DPY19L1: variants seen among roughly 807,000 people sequenced by gnomAD.
DPY19L1 encodes the protein dpy-19 like C-mannosyltransferase 1.
Under a neutral mutation model 96.9 loss-of-function variants are expected in DPY19L1, and 35 were observed. The ratio of observed to expected loss-of-function variants is 0.36; its 90% confidence interval spans 0.28 to 0.48. The LOEUF is 0.48. Ranked by LOEUF, DPY19L1 falls within the 20% of genes least tolerant of loss-of-function variation. The pLI is 0.99. For missense variants in DPY19L1, 521 were observed against 777.9 expected, an observed-to-expected ratio of 0.67 and a Z score of 3.93; for synonymous variants, 205 against 252.6, an observed-to-expected ratio of 0.81 and a Z score of 1.79.
At chr7:34,975,146 T>C (rs983518397) in intron 7 of DPY19L1, among the ~76,000 whole-genome samples, 3 of 152,168 alleles carry the variant, frequency 2.0e-5, no homozygotes, top group Admixed American at 2.0e-4. Flanking sequence ...GAGTTGTTCA[T>C]CTCTCACTTT....
At position 35,022,328 on chromosome 7, in the gene DPY19L1, T is replaced by C. The variant is rs79830059; in HGVS notation, c.299-3732A>G. 1.4e-3 allele frequency among the ~76,000 whole-genome samples: 210 copies of C among 152,366 alleles called. 1 individual carries two copies. In the East Asian group the frequency reaches 0.027, roughly 20 times the overall value. On this transcript the variant is annotated intron_variant, in intron 1 of 21. Transcript: ENST00000638088. ...AAAAGGTGTTCAAGGAAAGGTTTGC[T>C]GTGTAACCTAATTCAAAAAATCACA...
At chr7:35,006,944 A>G (rs1785573828) in intron 6 of DPY19L1, among the ~76,000 whole-genome samples, 1 of 152,216 alleles carries the variant, frequency 6.6e-6, no homozygotes, top group South Asian at 2.1e-4. Context: ...TTTATTTCTC[A>G]GTACATAATA....
rs755619806 is a variant in DPY19L1, at chr7:35,023,833, C to CTT, written c.299-5239_299-5238dup. Reference sequence around the variant, plus strand: ...AAATATATTCTTTTTCTTTTCTTTTCTTTTTTTTTTTTTTTTTTTTGAGAC... The same window carrying CTT: ...AAATATATTCTTTTTCTTTTCTTTTCTTTTTTTTTTTTTTTTTTTTTTGAGAC... On this transcript the variant is annotated intron_variant, in intron 1 of 21. Coordinates refer to ENST00000638088, the MANE Select transcript of DPY19L1 (RefSeq NM_001366673.1). Among the ~76,000 whole-genome samples the CTT allele has an allele frequency of 2.6e-3, 286 of 111,804 alleles. 9 individuals are homozygous for CTT. The highest frequency in any genetic ancestry group is 8.2e-3 in the African/African-American group (242 of 29,604). The allele number at this position is 111,804 out of a possible 152,430, so 73.3% of individuals were successfully genotyped here.
In DPY19L1 at chr7:35,015,170, CAT is replaced by C. The variant is rs1160299824; in HGVS notation, c.412-1467_412-1466del. 3.3e-5 allele frequency among the ~76,000 whole-genome samples: 5 copies of C among 152,002 alleles called. No individual in the cohort carries two copies. The South Asian group carries it at 8.3e-4, about 25-fold the overall frequency. ...TCTTTTGTAGGTTTGATTTTGGAAA[CAT>C]ATGTTTAATTATAAAACAAAAATTT... On this transcript the variant is annotated intron_variant, in intron 3 of 21. Transcript: ENST00000638088.
intron 11 of DPY19L1, 105 bp downstream of exon 11, chr7:34,957,879 A>T: frequency 4.3e-6 from 3 of 689,720 alleles, no homozygotes; most frequent in Non-Finnish European, 2.5e-6. Flanking sequence ...TAAGACACTT[A>T]AGATGGTTCC....
intron 6 of DPY19L1, among the ~76,000 whole-genome samples, chr7:35,002,333 CATG>C (rs566779646): frequency 1.0e-3 from 156 of 151,200 alleles, no homozygotes; most frequent in African/African-American, 2.3e-3. Flanking sequence ...AAATTAAAAG[CATG>C]ATAATGAAAA....
intron 1 of DPY19L1, among the ~76,000 whole-genome samples, chr7:35,032,582 C>A (rs1287850175): frequency 6.6e-6 from 1 of 152,134 alleles, no homozygotes; most frequent in East Asian, 1.9e-4. Flanking sequence ...TGATGACTCC[C>A]TGTAGTACAT....
At position 34,938,106 on chromosome 7, in the gene DPY19L1, T is replaced by G. The variant is rs1177737159; in HGVS notation, c.1978A>C (p.Ile660Leu). ...TTCCGACTATACATTGAGTATACTA[T>G]TTTTGTTCTGGCTCTTTAAAGAAAA... Reference protein sequence around the residue: ...EDAGLRARTKIVYSMYSRKAA... With the variant: ...EDAGLRARTKLVYSMYSRKAA... Residue 660 changes from isoleucine (I) to leucine (L), a missense_variant, in exon 21 of 22, where the codon ATA becomes CTA. Coordinates refer to ENST00000638088, the MANE Select transcript of DPY19L1 (RefSeq NM_001366673.1). The G allele has an allele frequency of 6.2e-7, 1 of 1,612,846 alleles. No homozygotes were observed. The highest frequency in any genetic ancestry group is 1.3e-5 in the African/African-American group (1 of 74,838).
At chr7:34,952,987 C>T (rs533922188) in intron 13 of DPY19L1, among the ~76,000 whole-genome samples, 1 of 152,242 alleles carries the variant, frequency 6.6e-6, no homozygotes. Flanking sequence ...CCCATCTCCC[C>T]CATACTGTTA....
chr7:34,983,147 T>C (rs1458729744), intron 7 of DPY19L1, among the ~76,000 whole-genome samples: 1 of 152,166 alleles, frequency 6.6e-6, no homozygotes, highest in Non-Finnish European at 1.5e-5. Flanking sequence ...CCTAGGTGCT[T>C]GACATAAAAG....
rs1165082887 is a variant in DPY19L1 at position 34,950,442 on chromosome 7, T to G, written c.1321-544A>C. Among the ~76,000 whole-genome samples the G allele has an allele frequency of 2.6e-5, 4 of 152,258 alleles. No individual in the cohort carries two copies. The South Asian group carries it at 6.2e-4, about 24-fold the overall frequency. ...AAGGATTCTCACTCACACTGCCACA[T>G]TTACCTCCCACAAAAAGCCATGTGA... On this transcript the variant is annotated intron_variant, in intron 13 of 21. Coordinates refer to ENST00000638088, the MANE Select transcript of DPY19L1 (RefSeq NM_001366673.1).
At chr7:34,963,670 T>C (rs1784550556) in intron 10 of DPY19L1, among the ~76,000 whole-genome samples, 2 of 150,632 alleles carry the variant, frequency 1.3e-5, no homozygotes, top group Non-Finnish European at 3.0e-5. Context: ...CAAGTATCCA[T>C]GGACAGATTG....
intron 10 of DPY19L1, among the ~76,000 whole-genome samples, chr7:34,958,798 T>A (rs1372593302): frequency 6.6e-6 from 1 of 152,122 alleles, no homozygotes; most frequent in South Asian, 2.1e-4. Flanking sequence ...AGGGAAAAAA[T>A]GTTACCTCAT....
chr7:34,986,862 T>C (rs1428573732), intron 7 of DPY19L1, among the ~76,000 whole-genome samples: 1 of 152,066 alleles, frequency 6.6e-6, no homozygotes, highest in Non-Finnish European at 1.5e-5. Flanking sequence ...TACTTTGAAT[T>C]ACTTTTTTAA....
chr7:34,942,853 C>T (rs1055408544), intron 16 of DPY19L1, among the ~76,000 whole-genome samples: 4 of 152,138 alleles, frequency 2.6e-5, no homozygotes, highest in Non-Finnish European at 4.4e-5. Flanking sequence ...TGTATTATAT[C>T]CTATTTGACT....
chr7:35,008,484 A>G (rs1348166822), intron 6 of DPY19L1, among the ~76,000 whole-genome samples: 4 of 152,212 alleles, frequency 2.6e-5, no homozygotes, highest in African/African-American at 9.6e-5. Context: ...TATAACAAGC[A>G]TTACAAGAAA....
intron 13 of DPY19L1, among the ~76,000 whole-genome samples, chr7:34,950,254 T>C (rs930196062): frequency 1.3e-5 from 2 of 152,182 alleles, no homozygotes; most frequent in African/African-American, 2.4e-5. Context: ...AGACTTCTTT[T>C]AATCATAAAA....
At chr7:35,030,337 T>C (rs1786230720) in intron 1 of DPY19L1, among the ~76,000 whole-genome samples, 1 of 152,200 alleles carries the variant, frequency 6.6e-6, no homozygotes, top group South Asian at 2.1e-4. Context: ...ACAATCTCCC[T>C]AAACTAATAA....
intron 15 of DPY19L1, among the ~76,000 whole-genome samples, chr7:34,946,447 T>G (rs1165683633): frequency 6.6e-6 from 1 of 152,234 alleles, no homozygotes; most frequent in Admixed American, 6.5e-5. Flanking sequence ...CCGCTTTCCA[T>G]CTACATCTTT....
Sources: allele counts gnomAD v4.1 joint callset (sites outside exome capture counted in the v4.1 genomes callset), GRCh38; gene constraint gnomAD v4.1.1; transcripts MANE v1.5; gene names NCBI Gene and HGNC (gene_info 2026-07-23, HGNC 2026-07-21).